INO80D: variants seen among roughly 807,000 people sequenced by gnomAD.
INO80D encodes the protein INO80 complex subunit D.
In INO80D, 21 loss-of-function variants were observed where a neutral mutation model predicts 87.6. The ratio of observed to expected loss-of-function variants is 0.24; its 90% CI spans 0.17 to 0.35. INO80D has a LOEUF of 0.35. Among genes scored for constraint, INO80D ranks in the 10% least tolerant of loss-of-function variants. The probability of loss-of-function intolerance (pLI) is 1.00; values close to 1 mark genes in which losing one functional copy is unlikely to be tolerated. For synonymous variants in INO80D, 440 were observed against 491.0 expected, an observed-to-expected ratio of 0.90 and a Z score of 1.37; for missense variants, 982 against 1,280.7, an observed-to-expected ratio of 0.77 and a Z score of 3.56.
chr2:206,028,091 T>G lies in INO80D; in HGVS notation c.1298+20A>C, dbSNP rs1024698975. On this transcript the variant is annotated intron_variant, in intron 6 of 10. Coordinates refer to ENST00000403263, the MANE Select transcript of INO80D (RefSeq NM_017759.5). ...CAAACTGAGATGAGTCCCTTAAGAATAGGTTGCTGTGGCTCTAACCTGGTT... is the reference window on the plus strand; with the variant it reads ...CAAACTGAGATGAGTCCCTTAAGAAGAGGTTGCTGTGGCTCTAACCTGGTT... The G allele has an allele frequency of 1.9e-5, 28 of 1,492,292 alleles. No individual in the cohort carries two copies. Among genetic ancestry groups the G allele is most frequent in the African/African-American group, 2.8e-5 (2 of 71,596 alleles). The allele number at this position is 1,492,292 out of a possible 1,614,324, so 92.4% of individuals were successfully genotyped here.
rs923205374 is a variant in INO80D at position 206,043,691 on chromosome 2, G to A, written c.1073+2813C>T. Among the ~76,000 whole-genome samples the A allele has an allele frequency of 5.9e-5, 9 of 151,702 alleles. No homozygotes were observed. The South Asian group carries it at 8.3e-4, about 14-fold the overall frequency. On this transcript the variant is annotated intron_variant, in intron 5 of 10. Coordinates refer to ENST00000403263, the MANE Select transcript of INO80D (RefSeq NM_017759.5). ...TTTAGTAGAGACGGGGTTTCACCGC[G>A]TTAGCCAGGATGGTCTCAATCTCCT...
At chr2:206,012,751 C>T (rs1159999851) in intron 8 of INO80D, among the ~76,000 whole-genome samples, 1 of 151,828 alleles carries the variant, frequency 6.6e-6, no homozygotes, top group Non-Finnish European at 1.5e-5. Flanking sequence ...CGCCTGCAGT[C>T]CCAGCTACTT....
intron 3 of INO80D, among the ~76,000 whole-genome samples, chr2:206,058,001 C>T (rs1251506168): frequency 2.0e-5 from 3 of 151,682 alleles, no homozygotes; most frequent in Non-Finnish European, 2.9e-5. Flanking sequence ...GTCCTTGGTG[C>T]CTTATGTATT....
chr2:206,010,331 A>C (rs1278681806), intron 8 of INO80D, among the ~76,000 whole-genome samples: 2 of 152,066 alleles, frequency 1.3e-5, no homozygotes, highest in Non-Finnish European at 2.9e-5. Context: ...AAGTAGATGA[A>C]GTTGTTCTAT....
chr2:206,026,113 A>C (rs1688609321), intron 6 of INO80D, among the ~76,000 whole-genome samples: 1 of 151,966 alleles, frequency 6.6e-6, no homozygotes, highest in African/African-American at 2.4e-5. Flanking sequence ...TGTCCAGGCT[A>C]ATCTCGAATT....
At chr2:206,025,542 AATATATATAT>A (rs1553616186) in intron 6 of INO80D, 5 of 76,946 alleles carry the variant, frequency 6.5e-5, no homozygotes, top group East Asian at 8.7e-4. Flanking sequence ...AAAAAAAAAA[AATATATATAT>A]ATATATATAT....
chr2:206,051,081 G>A (rs771225611), intron 4 of INO80D, among the ~76,000 whole-genome samples: 43 of 152,080 alleles, frequency 2.8e-4, no homozygotes, highest in Non-Finnish European at 5.3e-4. Context: ...AGAAAATACG[G>A]GTGAATATGT....
intron 5 of INO80D, among the ~76,000 whole-genome samples, chr2:206,038,018 G>A (rs914495896): frequency 1.3e-5 from 2 of 152,142 alleles, no homozygotes; most frequent in African/African-American, 4.8e-5. Flanking sequence ...TCATAAGTGG[G>A]TACTAAAAAA....
At chr2:206,055,767 A>C (rs984394582) in intron 4 of INO80D, among the ~76,000 whole-genome samples, 2 of 152,226 alleles carry the variant, frequency 1.3e-5, no homozygotes, top group Non-Finnish European at 2.9e-5. Context: ...GAGAAAAAAG[A>C]TTCCATTTGT....
chr2:206,059,154 G>A (rs557167618), intron 3 of INO80D, among the ~76,000 whole-genome samples: 1 of 152,264 alleles, frequency 6.6e-6, no homozygotes, highest in African/African-American at 2.4e-5. Context: ...GCCAAGGTGG[G>A]TGGATCACCT....
intron 5 of INO80D, among the ~76,000 whole-genome samples, chr2:206,033,589 G>T (rs1430212378): frequency 6.6e-6 from 1 of 152,124 alleles, no homozygotes; most frequent in Non-Finnish European, 1.5e-5. Context: ...AGCAAAGGCA[G>T]TGCTAAGAGG....
At chr2:206,009,320 T>A (rs1041767354) in intron 9 of INO80D, among the ~76,000 whole-genome samples, 3 of 150,150 alleles carry the variant, frequency 2.0e-5, no homozygotes, top group Non-Finnish European at 4.4e-5. Context: ...AAAAAAAAAA[T>A]GTTTTTTAAG....
At chr2:206,035,341 A>C (rs1488654904) in intron 5 of INO80D, among the ~76,000 whole-genome samples, 1 of 151,998 alleles carries the variant, frequency 6.6e-6, no homozygotes, top group Non-Finnish European at 1.5e-5. Context: ...ATTTCAAACT[A>C]TACTATAAGG....
intron 5 of INO80D, among the ~76,000 whole-genome samples, chr2:206,040,258 C>T (rs553427904): frequency 6.9e-6 from 1 of 145,276 alleles, no homozygotes; most frequent in African/African-American, 2.5e-5. Context: ...TGCACTCCAG[C>T]CTGGGTGACA....
In INO80D at chr2:206,063,058, C is replaced by T; in HGVS notation, c.-29-13G>A. On this transcript the variant is annotated splice_polypyrimidine_tract_variant and intron_variant, in intron 2 of 10. Transcript: ENST00000403263. ...TTGTGAACATCAGCTAAAAGGCCAC[C>T]ACAAAAAAAGAAACCCAAATGATAA... 1 of 1,405,152 alleles carries T rather than the reference C, an allele frequency of 7.1e-7. No individual in the cohort carries two copies. The highest frequency in any genetic ancestry group is 9.9e-7 in the Non-Finnish European group (1 of 1,007,314). 87.0% of individuals were successfully genotyped at this position (1,405,152 alleles called of 1,614,324 possible). A position where few individuals can be genotyped will look rare whatever the true frequency, so the allele number is the denominator to read the frequency against.
chr2:206,043,544 G>A (rs1050166607), intron 5 of INO80D, among the ~76,000 whole-genome samples: 13 of 151,824 alleles, frequency 8.6e-5, no homozygotes, highest in South Asian at 6.2e-4. Flanking sequence ...CTGGAGTGCA[G>A]TGGCACGATC....
At chr2:206,045,870 C>T (rs1377614630) in intron 5 of INO80D, among the ~76,000 whole-genome samples, 1 of 152,166 alleles carries the variant, frequency 6.6e-6, no homozygotes, top group East Asian at 1.9e-4. Context: ...ACGTAGCCCC[C>T]CAAGGGACCA....
chr2:206,031,389 G>A (rs1051762079), intron 5 of INO80D, among the ~76,000 whole-genome samples: 8 of 152,102 alleles, frequency 5.3e-5, no homozygotes, highest in Admixed American at 2.6e-4. Context: ...GAAAACAGAA[G>A]TCTCATTCAT....
rs144790541 is a variant in INO80D at position 206,010,062 on chromosome 2, T to TACACACACACACACACACAC, written c.1543-288_1543-269dup. ...GATGGTCATTATAGTTGACACTGTC[T>TACACACACACACACACACAC]ACACACACACACACACACACACACG... On this transcript the variant is annotated intron_variant, in intron 8 of 10. Transcript: ENST00000403263. Among the ~76,000 whole-genome samples the TACACACACACACACACACAC allele has an allele frequency of 3.4e-5, 5 of 148,996 alleles. No individual in the cohort carries two copies. In the South Asian group the frequency reaches 1.1e-3, roughly 32 times the overall value.
Sources: allele counts gnomAD v4.1 joint callset (sites outside exome capture counted in the v4.1 genomes callset), GRCh38; gene constraint gnomAD v4.1.1; transcripts MANE v1.5; gene names NCBI Gene and HGNC (gene_info 2026-07-23, HGNC 2026-07-21).